ARX: variants seen among roughly 807,000 people sequenced by gnomAD.
ARX encodes the protein homeobox protein ARX.
ARX carries 1 observed loss-of-function variant against 23.1 expected under a neutral mutation model. The observed-to-expected ratio is 0.04, with a 90% CI of 0.02 to 0.21. ARX has a LOEUF of 0.21. Among genes scored for constraint, ARX ranks in the 10% least tolerant of loss-of-function variants. The pLI is 1.00. For missense variants in ARX, 380 were observed against 527.5 expected (o/e 0.72, Z 2.74); for synonymous variants, 301 against 270.1 (o/e 1.11, Z -1.12).
rs370342380 is a variant in ARX, at chrX:25,015,590, A to G, written c.148T>C (p.Leu50=). 2.8e-5 allele frequency: 34 copies of G among 1,209,215 alleles called. No individual in the cohort carries two copies. In the African/African-American group the frequency reaches 4.7e-4, roughly 17 times the overall value. ...GCGCGGCTGGTCAGCGGAGCAGGCA[A>G]GCTCTGCGCGGCTCCCAGCAACCGC... is the stretch of plus-strand genomic sequence containing the variant. ...KMRLLGAAQS[L]PAPLTSRADP... is the part of the protein sequence containing the mutation. Residue 50 remains leucine (L), a synonymous_variant, in exon 1 of 5, where the codon TTG becomes CTG. Transcript: ENST00000379044.
At chrX:25,005,438 C>T (rs1479638558) in intron 4 of ARX, among the ~76,000 whole-genome samples, 1 of 112,525 alleles carries the variant, frequency 8.9e-6, no homozygotes, top group East Asian at 2.8e-4. Flanking sequence ...TGGCCCGGGA[C>T]TTTCTGCGCC....
chrX:25,004,506 G>A lies in ARX; in HGVS notation c.*164C>T. The A allele has an allele frequency of 1.1e-6, 1 of 929,326 alleles. No individual in the cohort carries two copies. The highest frequency in any genetic ancestry group is 1.5e-6 in the Non-Finnish European group (1 of 684,488). The allele number at this position is 929,326 out of a possible 1,213,427, so 76.6% of individuals were successfully genotyped here. A position where few individuals can be genotyped will look rare whatever the true frequency, so the allele number is the denominator to read the frequency against. Reference sequence around the variant, plus strand: ...CCGAGGAGGTGCCACGTCCCGGAGCGCCGAGGGCTGCCATGCCCGCATCCA... The same window carrying A: ...CCGAGGAGGTGCCACGTCCCGGAGCACCGAGGGCTGCCATGCCCGCATCCA... On this transcript the variant is annotated 3_prime_UTR_variant, in exon 5 of 5. Transcript: ENST00000379044.
chrX:25,007,533 CCCTT>C, intron 3 of ARX, 94 bp from the exon 4 acceptor site: 2 of 1,020,956 alleles, frequency 2.0e-6, no homozygotes, highest in Non-Finnish European at 2.6e-6. Context: ...CTGCGGGGCC[CCCTT>C]CCTTTCCACC....
intron 4 of ARX, among the ~76,000 whole-genome samples, chrX:25,005,239 C>G (rs1232919507): frequency 9.0e-6 from 1 of 111,462 alleles, no homozygotes; most frequent in Non-Finnish European, 1.9e-5. Context: ...CTTAAACGGA[C>G]GGTTTATTCC....
chrX:25,015,847 G>T lies in ARX; in HGVS notation c.-110C>A. 1 of 845,018 alleles carries T rather than the reference G, an allele frequency of 1.2e-6. No homozygotes were observed. The highest frequency in any genetic ancestry group is 1.7e-6 in the Non-Finnish European group (1 of 584,943). 69.6% of individuals were successfully genotyped at this position (845,018 alleles called of 1,213,427 possible). A position where few individuals can be genotyped will look rare whatever the true frequency, so the allele number is the denominator to read the frequency against. The stretch of plus-strand genomic sequence containing the variant: ...TGGGGTTAGATAGCGGGTTATAACG[G>T]ATATTATTGCGATCTTTGTGCCTTT... On this transcript the variant is annotated 5_prime_UTR_variant, in exon 1 of 5. Transcript: ENST00000379044.
At position 25,006,727 on chromosome X, in the gene ARX, G is replaced by A. The variant is rs766900339; in HGVS notation, c.1448+384C>T. 6 of 125,282 alleles carry A rather than the reference G, an allele frequency of 4.8e-5. No individual in the cohort carries two copies. The South Asian group carries it at 1.6e-3, about 34-fold the overall frequency. 10.3% of individuals were successfully genotyped at this position (125,282 alleles called of 1,213,427 possible). A position where few individuals can be genotyped will look rare whatever the true frequency, so the allele number is the denominator to read the frequency against. ...GTTCCTCAGGCTGCCAGGTTGGGGG[G>A]CATAAGGAAGAACTTTTGCAAAACT... is the stretch of plus-strand genomic sequence containing the variant. On this transcript the variant is annotated intron_variant, in intron 4 of 4. Coordinates refer to ENST00000379044, the MANE Select transcript of ARX (RefSeq NM_139058.3).
chrX:25,007,290 G>C lies in ARX; in HGVS notation c.1269C>G (p.His423Gln). ...CAGTCCAAGCGGAGTCGAGCGCCGGGTGGTGCGGAGGGAAGGGGCTGGCGT... is the reference window on the plus strand; with the variant it reads ...CAGTCCAAGCGGAGTCGAGCGCCGGCTGGTGCGGAGGGAAGGGGCTGGCGT... The part of the protein sequence containing the change: ...YLDASPFPPH[H>Q]PALDSAWTAA... Residue 423 changes from histidine to glutamine, a missense_variant, in exon 4 of 5, where the codon CAC (histidine) becomes CAG (glutamine). Physicochemically the swap from His to Gln is conservative, Grantham distance 24. Coordinates refer to ENST00000379044, the MANE Select transcript of ARX (RefSeq NM_139058.3). 8.9e-7 allele frequency: 1 copy of C among 1,120,577 alleles called. No individual in the cohort carries two copies. The highest frequency in any genetic ancestry group is 1.2e-6 in the Non-Finnish European group (1 of 857,180). 92.3% of individuals were successfully genotyped at this position (1,120,577 alleles called of 1,213,427 possible). A position where few individuals can be genotyped will look rare whatever the true frequency, so the allele number is the denominator to read the frequency against.
At chrX:25,010,183 C>A in intron 3 of ARX, 77 bp downstream of exon 3, 1 of 955,710 alleles carries the variant, frequency 1.0e-6, no homozygotes, top group Non-Finnish European at 1.5e-6. Flanking sequence ...CGCACCCCCC[C>A]GCCACCAACC....
rs1601948689 is a variant in ARX at position 25,013,597 on chromosome X, G to A, written c.398C>T (p.Ala133Val). Residue 133 changes from alanine to valine, a missense_variant, in exon 2 of 5, where the codon GCG becomes GTG. Around this residue, in one of 3 missense-constraint regions of ARX, gnomAD observed 235 missense variants for 270.2 expected, o/e 0.87. Transcript: ENST00000379044. ...GEAPPPPPPT[A>V]RPGERPDGAG... is the part of the protein sequence containing the mutation. ...GCCGTCCGGCCGTTCCCCGGGCCGC[G>A]CGGTTGGCGGTGGCGGCGGAGGGGC... 3 of 750,075 alleles carry A rather than the reference G, an allele frequency of 4.0e-6. No individual in the cohort carries two copies. Among genetic ancestry groups the A allele is most frequent in the Non-Finnish European group, 4.7e-6 (3 of 638,735 alleles). 61.8% of individuals were successfully genotyped at this position (750,075 alleles called of 1,213,427 possible).
Position 25,015,693 on chromosome X carries a change from C to T in ARX, c.45G>A (p.Glu15=). ...YQEEGCSERP[E]CKSKSPTLLS... ...GCAAAGTTGGAGATTTACTTTTGCA[C>T]TCGGGCCTCTCGGAGCAGCCCTCCT... The change falls in exon 1 of 5, where the codon GAG becomes GAA. Residue 15 remains glutamate, a synonymous_variant. Coordinates refer to ENST00000379044, the MANE Select transcript of ARX (RefSeq NM_139058.3). 1 of 1,203,470 alleles carries T rather than the reference C, an allele frequency of 8.3e-7. No homozygotes were observed. The highest frequency in any genetic ancestry group is 3.0e-5 in the East Asian group (1 of 33,589).
chrX:25,005,404 C>T (rs1282243897), intron 4 of ARX, among the ~76,000 whole-genome samples: 2 of 112,306 alleles, frequency 1.8e-5, no homozygotes, highest in Admixed American at 1.9e-4. Context: ...ACGCCGCAGG[C>T]TCTGAGATCT....
chrX:25,014,963 A>G (rs1186415199), intron 1 of ARX, among the ~76,000 whole-genome samples: 1 of 112,823 alleles, frequency 8.9e-6, no homozygotes, highest in African/African-American at 3.2e-5. Flanking sequence ...AGAAAAAATT[A>G]GCATCCAGAA....
At chrX:25,010,176 A>ACCCC in intron 3 of ARX, 84 bp downstream of exon 3, 3 of 278,115 alleles carry the variant, frequency 1.1e-5, no homozygotes, top group Non-Finnish European at 6.8e-6. Context: ...CACCCCCCGC[A>ACCCC]CCCCCCCGCC....
At chrX:25,005,404 C>A (rs1282243897) in intron 4 of ARX, among the ~76,000 whole-genome samples, 1 of 112,306 alleles carries the variant, frequency 8.9e-6, no homozygotes, top group East Asian at 2.8e-4. Context: ...ACGCCGCAGG[C>A]TCTGAGATCT....
chrX:25,007,653 A>G (rs779528824), intron 3 of ARX, among the ~76,000 whole-genome samples: 13 of 111,933 alleles, frequency 1.2e-4, no homozygotes, highest in African/African-American at 4.2e-4. Context: ...AGCAGGAAAC[A>G]GGACAAGCAA....
intron 1 of ARX, 85 bp from the exon 2 acceptor site, chrX:25,013,883 C>A: frequency 1.2e-6 from 1 of 857,635 alleles, no homozygotes; most frequent in South Asian, 6.3e-5. Context: ...CGCAGTTGCT[C>A]CCCCAGTGCC....
In ARX at chrX:25,013,491, G is replaced by A. The variant is rs1268606068; in HGVS notation, c.504C>T (p.Ser168=). ...TLKISQAPQV[S]ISRSKSYREN... ...CGCGGTACGACTTGCTGCGGCTGAT[G>A]CTCACCTGCGGCGCCTGGCTGATCT... The change falls in exon 2 of 5, where the codon AGC becomes AGT. Residue 168 remains serine, a synonymous_variant. Coordinates refer to ENST00000379044, the MANE Select transcript of ARX (RefSeq NM_139058.3). The A allele has an allele frequency of 3.3e-6, 3 of 897,584 alleles. 1 individual carries two copies. The South Asian group carries it at 1.3e-4, about 39-fold the overall frequency. 74.0% of individuals were successfully genotyped at this position (897,584 alleles called of 1,213,427 possible).
At position 25,013,347 on chromosome X, in the gene ARX, A is replaced by T; in HGVS notation, c.648T>A (p.Ala216=). The part of the protein sequence containing the change: ...GVAGGPGSAP[A]AGGGTGTEDD... ...CCTCGGTGCCGGTGCCACCACCCGC[A>T]GCCGGGGCGCTGCCCGGGCCGCCGG... is the stretch of plus-strand genomic sequence containing the variant. Residue 216 remains alanine, a synonymous_variant, in exon 2 of 5, where the codon GCT becomes GCA. Coordinates refer to ENST00000379044, the MANE Select transcript of ARX (RefSeq NM_139058.3). The T allele has an allele frequency of 8.7e-7, 1 of 1,149,027 alleles. No individual in the cohort carries two copies. The highest frequency in any genetic ancestry group is 1.1e-6 in the Non-Finnish European group (1 of 870,133). 94.7% of individuals were successfully genotyped at this position (1,149,027 alleles called of 1,213,427 possible).
chrX:25,012,378 C>T (rs1439508575), intron 2 of ARX, among the ~76,000 whole-genome samples: 2 of 112,841 alleles, frequency 1.8e-5, no homozygotes, highest in African/African-American at 6.4e-5. Flanking sequence ...AGGCCTTCTC[C>T]GCTGGCACGG....
Sources: gnomAD v4.1 joint callset for allele counts (sites outside exome capture counted in the v4.1 genomes callset) on GRCh38, gnomAD v4.1.1 for gene constraint, gnomAD v4.1.1 regional missense constraint, MANE v1.5 for transcripts, NCBI Gene and HGNC (gene_info 2026-07-23, HGNC 2026-07-21) for gene names.